DEPDC5: variants seen among roughly 807,000 people sequenced by gnomAD.
The protein encoded by DEPDC5 is DEP domain containing 5, GATOR1 subcomplex subunit.
Under a neutral mutation model 217.3 loss-of-function variants are expected in DEPDC5, and 73 were observed. The ratio of observed to expected loss-of-function variants is 0.34; its 90% confidence interval spans 0.28 to 0.41. The LOEUF is 0.41. Ranked by LOEUF, DEPDC5 falls within the 10% of genes least tolerant of loss-of-function variation. The probability of loss-of-function intolerance (pLI) is 1.00; values close to 1 mark genes in which losing one functional copy is unlikely to be tolerated. For missense variants in DEPDC5, 1,675 were observed against 2,070.1 expected, an observed-to-expected ratio of 0.81 and a Z score of 3.70; for synonymous variants, 733 against 756.7, an observed-to-expected ratio of 0.97 and a Z score of 0.51.
rs1261327115 is a variant in DEPDC5, at chr22:31,884,632, C to T, written c.4033+4880C>T. Among the ~76,000 whole-genome samples, 4 of 152,084 alleles carry T rather than the reference C, an allele frequency of 2.6e-5. 1 individual carries two copies. Among genetic ancestry groups the T allele is most frequent in the Admixed American group, 2.0e-4 (3 of 15,270 alleles). On this transcript the variant is annotated intron_variant, in intron 38 of 42. Coordinates refer to ENST00000651528, the MANE Select transcript of DEPDC5 (RefSeq NM_001242896.3). ...TTATAGCATTCGGGTCTCAGCCTGC[C>T]CTCATCTCCATACCCTAAAGTGTCT...
In DEPDC5 at chr22:31,876,256, C is replaced by T. The variant is rs1221449818; in HGVS notation, c.3796C>T (p.Pro1266Ser). Reference sequence around the variant, plus strand: ...CTACAAGATAGTAACGGACAAAGAGCCCGACCGAGGTTAGAGCCGAGGCGA... The same window carrying T: ...CTACAAGATAGTAACGGACAAAGAGTCCGACCGAGGTTAGAGCCGAGGCGA... ...YFYKIVTDKE[P>S]DRVAMQQPAT... The change falls in exon 37 of 43, where the codon CCC becomes TCC. Residue 1266 changes from proline (P) to serine (S), a missense_variant. By Grantham distance (74) the Pro-to-Ser change is moderately conservative. Coordinates refer to ENST00000651528, the MANE Select transcript of DEPDC5 (RefSeq NM_001242896.3). 1 of 1,613,404 alleles carries T rather than the reference C, an allele frequency of 6.2e-7. No homozygotes were observed. The highest frequency in any genetic ancestry group is 8.5e-7 in the Non-Finnish European group (1 of 1,179,910).
chr22:31,760,123 A>G (rs2082269577), intron 3 of DEPDC5, among the ~76,000 whole-genome samples: 1 of 150,250 alleles, frequency 6.7e-6, no homozygotes, highest in Non-Finnish European at 1.5e-5. Flanking sequence ...GCTGGAGTGC[A>G]GTGGCACAAT....
chr22:31,765,322 C>T (rs2082717683), intron 5 of DEPDC5, among the ~76,000 whole-genome samples: 1 of 152,008 alleles, frequency 6.6e-6, no homozygotes, highest in East Asian at 1.9e-4. Flanking sequence ...AATGGAGTAT[C>T]ACTGTTGCCC....
chr22:31,874,717 G>A lies in DEPDC5; in HGVS notation c.3696+312G>A, dbSNP rs191171588. ...AATGCCCTCCCTCTGACCTCAAGCC[G>A]CCAGTTTCCCCTGGTCAATGCATGC... On this transcript the variant is annotated intron_variant, in intron 36 of 42. Transcript: ENST00000651528. Among the ~76,000 whole-genome samples, 45 of 152,236 alleles carry A rather than the reference G, an allele frequency of 3.0e-4. No individual in the cohort carries two copies. The East Asian group carries it at 6.7e-3, about 23-fold the overall frequency.
chr22:31,827,942 G>A (rs2090280972), intron 24 of DEPDC5, among the ~76,000 whole-genome samples: 1 of 152,026 alleles, frequency 6.6e-6, no homozygotes, highest in African/African-American at 2.4e-5. Context: ...TAAATGACAT[G>A]GCCACCCTTC....
At chr22:31,835,211 T>C (rs1378880346) in intron 25 of DEPDC5, among the ~76,000 whole-genome samples, 1 of 152,224 alleles carries the variant, frequency 6.6e-6, no homozygotes, top group Non-Finnish European at 1.5e-5. Context: ...TGGATTACAC[T>C]CCCCAAAGTA....
intron 18 of DEPDC5, among the ~76,000 whole-genome samples, chr22:31,807,246 G>A (rs968422430): frequency 6.6e-6 from 1 of 152,106 alleles, no homozygotes; most frequent in Admixed American, 6.6e-5. Flanking sequence ...TCCATTTTGG[G>A]GCATGCGATG....
At chr22:31,768,734 A>C in intron 6 of DEPDC5, 80 bp from the exon 7 acceptor site, 1 of 1,247,728 alleles carries the variant, frequency 8.0e-7, no homozygotes, top group Non-Finnish European at 1.1e-6. Context: ...CATGGCCTTA[A>C]TATGTTAATC....
intron 31 of DEPDC5, among the ~76,000 whole-genome samples, chr22:31,853,956 G>T (rs959409449): frequency 3.3e-5 from 5 of 152,220 alleles, no homozygotes; most frequent in African/African-American, 9.6e-5. Context: ...GCAGAGGCAC[G>T]TGAAGGGCGT....
At chr22:31,755,010 T>C in intron 2 of DEPDC5, 31 bp downstream of exon 2, 2 of 1,613,878 alleles carry the variant, frequency 1.2e-6, no homozygotes, top group Non-Finnish European at 1.7e-6. Flanking sequence ...AGAGGTTTTG[T>C]AAGTTGGCTG....
intron 10 of DEPDC5, among the ~76,000 whole-genome samples, chr22:31,790,744 T>A (rs1294875464): frequency 6.9e-6 from 1 of 145,452 alleles, no homozygotes; most frequent in African/African-American, 2.8e-5. Context: ...TCTTTTTTTT[T>A]TTCTTTTTTT....
At chr22:31,807,461 T>G (rs1297349373) in intron 18 of DEPDC5, among the ~76,000 whole-genome samples, 1 of 152,182 alleles carries the variant, frequency 6.6e-6, no homozygotes, top group Non-Finnish European at 1.5e-5. Context: ...AGATGGAATC[T>G]TGCTCTGTCT....
intron 39 of DEPDC5, among the ~76,000 whole-genome samples, chr22:31,895,873 G>A (rs569776386): frequency 3.9e-5 from 6 of 151,970 alleles, no homozygotes; most frequent in Admixed American, 3.9e-4. Context: ...AAAAAAGACA[G>A]CCTGCTGCTC....
chr22:31,886,937 G>T (rs183913625), intron 38 of DEPDC5, among the ~76,000 whole-genome samples: 149 of 151,740 alleles, frequency 9.8e-4, no homozygotes, highest in Non-Finnish European at 1.6e-3. Flanking sequence ...CAAAAAATTA[G>T]CATGGCGTGG....
At chr22:31,867,559 T>C (rs1395712062) in intron 33 of DEPDC5, among the ~76,000 whole-genome samples, 1 of 152,242 alleles carries the variant, frequency 6.6e-6, no homozygotes, top group Non-Finnish European at 1.5e-5. Flanking sequence ...CAGGAAACTA[T>C]AGGGCAGATC....
chr22:31,861,337 C>G, intron 32 of DEPDC5, 31 bp from the exon 33 acceptor site: 1 of 1,550,094 alleles, frequency 6.5e-7, no homozygotes, highest in South Asian at 1.2e-5. Context: ...CTTGCAACTG[C>G]TGCTGCTGCT....
At chr22:31,857,153 CACAG>C (rs1348164950) in intron 31 of DEPDC5, among the ~76,000 whole-genome samples, 4 of 152,136 alleles carry the variant, frequency 2.6e-5, no homozygotes, top group Admixed American at 6.5e-5. Flanking sequence ...AAATGGTGTT[CACAG>C]ACAGTCACTC....
intron 24 of DEPDC5, among the ~76,000 whole-genome samples, chr22:31,832,485 C>CTT (rs112632218): frequency 9.0e-5 from 13 of 144,902 alleles, no homozygotes; most frequent in Non-Finnish European, 1.5e-4. Flanking sequence ...TCTTACTGCA[C>CTT]TTTTTTTTTT....
At chr22:31,841,485 T>C (rs1264020364) in intron 27 of DEPDC5, among the ~76,000 whole-genome samples, 3 of 152,170 alleles carry the variant, frequency 2.0e-5, no homozygotes. Flanking sequence ...AAAATGAAAG[T>C]ACACTCCACA....
Sources: gnomAD v4.1 joint callset for allele counts (sites outside exome capture counted in the v4.1 genomes callset) on GRCh38, gnomAD v4.1.1 for gene constraint, MANE v1.5 for transcripts, NCBI Gene and HGNC (gene_info 2026-07-23, HGNC 2026-07-21) for gene names.